The following ULK4 variants were observed in gnomAD, a reference collection of about 807,000 sequenced individuals.
ULK4 encodes unc-51 like kinase 4.
In ULK4, 133 loss-of-function variants were observed where a neutral mutation model predicts 160.6. That is an observed-to-expected ratio of 0.83 (90% CI 0.72 to 0.96). ULK4 has a LOEUF of 0.96. Ranked by LOEUF, ULK4 falls within the 40% of genes least tolerant of loss-of-function variation. The probability of loss-of-function intolerance (pLI) is 0.00; values close to 1 mark genes in which losing one functional copy is unlikely to be tolerated. For synonymous variants in ULK4, 534 were observed against 539.8 expected, an observed-to-expected ratio of 0.99 and a Z score of 0.15; for missense variants, 1,580 against 1,499.5, an observed-to-expected ratio of 1.05 and a Z score of -0.89.
At chr3:41,797,616 T>C (rs977425281) in intron 20 of ULK4, among the ~76,000 whole-genome samples, 1 of 152,094 alleles carries the variant, frequency 6.6e-6, no homozygotes, top group Non-Finnish European at 1.5e-5. Flanking sequence ...TCCCAGCACT[T>C]TGGGAGGCTG....
At chr3:41,766,869 C>T (rs540770493) in intron 21 of ULK4, 1 of 152,132 alleles carries the variant, frequency 6.6e-6, no homozygotes, top group African/African-American at 2.4e-5. Flanking sequence ...CTGAATGAAC[C>T]CTGGTGATCA....
intron 17 of ULK4, chr3:41,859,652 TTTTTGTTTG>T (rs140063077): frequency 0.17 from 70,839 of 426,500 alleles, 6,425 homozygotes; most frequent in Middle Eastern, 0.29. Flanking sequence ...AATTCCTTCT[TTTTTGTTTG>T]TTTTGTTTGT....
At chr3:41,819,817 T>C (rs1258827213) in intron 18 of ULK4, among the ~76,000 whole-genome samples, 1 of 152,188 alleles carries the variant, frequency 6.6e-6, no homozygotes, top group Non-Finnish European at 1.5e-5. Flanking sequence ...ATCAATCTAA[T>C]GATAATTGTA....
At chr3:41,674,271 G>C (rs906898808) in intron 29 of ULK4, among the ~76,000 whole-genome samples, 2 of 152,130 alleles carry the variant, frequency 1.3e-5, no homozygotes, top group African/African-American at 4.8e-5. Flanking sequence ...TGTCCAAATA[G>C]TCAGCATAAG....
chr3:41,835,708 T>C (rs1484987409), intron 18 of ULK4, among the ~76,000 whole-genome samples, 156 bp downstream of exon 18: 2 of 152,206 alleles, frequency 1.3e-5, no homozygotes, highest in African/African-American at 4.8e-5. Flanking sequence ...TGAGTAACAC[T>C]GACAAATTCT....
intron 33 of ULK4, among the ~76,000 whole-genome samples, chr3:41,459,493 A>G (rs2083634501): frequency 6.6e-6 from 1 of 152,214 alleles, no homozygotes; most frequent in Admixed American, 6.5e-5. Context: ...CTGCACATTC[A>G]CAATGCAAAG....
rs1299622209 is a variant in ULK4 at position 41,745,670 on chromosome 3, T to C, written c.2321+8691A>G. On this transcript the variant is annotated intron_variant, in intron 22 of 36. Coordinates refer to ENST00000301831, the MANE Select transcript of ULK4 (RefSeq NM_017886.4). ...TATGAGGCTAGTATTATATTAATACTAAGAGGAAAGAAGGGAAGGAGGGAG... is the reference window on the plus strand; with the variant it reads ...TATGAGGCTAGTATTATATTAATACCAAGAGGAAAGAAGGGAAGGAGGGAG... Among the ~76,000 whole-genome samples the C allele has an allele frequency of 1.3e-5, 2 of 151,516 alleles. 1 individual carries two copies. Among genetic ancestry groups the C allele is most frequent in the African/African-American group, 4.9e-5 (2 of 41,092 alleles).
At chr3:41,391,189 C>T (rs2081950502) in intron 35 of ULK4, among the ~76,000 whole-genome samples, 1 of 152,078 alleles carries the variant, frequency 6.6e-6, no homozygotes, top group Non-Finnish European at 1.5e-5. Context: ...CTATGGCAAT[C>T]AGTGGCAGAG....
At chr3:41,654,566 T>C (rs759747921) in intron 30 of ULK4, among the ~76,000 whole-genome samples, 8 of 152,210 alleles carry the variant, frequency 5.3e-5, no homozygotes, top group Non-Finnish European at 1.2e-4. Flanking sequence ...TATATAGCAT[T>C]ATAATCCTAA....
chr3:41,524,842 G>T (rs887204734), intron 32 of ULK4, among the ~76,000 whole-genome samples: 5 of 152,146 alleles, frequency 3.3e-5, no homozygotes, highest in African/African-American at 1.2e-4. Context: ...GGAAGCTGAG[G>T]CAGGGGAATC....
chr3:41,726,659 A>C (rs548327133), intron 22 of ULK4, among the ~76,000 whole-genome samples: 8 of 152,296 alleles, frequency 5.3e-5, no homozygotes, highest in African/African-American at 1.9e-4. Flanking sequence ...TCCATCACCC[A>C]GGCTGGAATG....
At chr3:41,591,341 G>A (rs945217663) in intron 31 of ULK4, among the ~76,000 whole-genome samples, 3 of 152,052 alleles carry the variant, frequency 2.0e-5, no homozygotes, top group Non-Finnish European at 4.4e-5. Flanking sequence ...AGAAGTGGAG[G>A]GTAGGGAAAG....
intron 22 of ULK4, among the ~76,000 whole-genome samples, chr3:41,724,896 A>G (rs2037596696): frequency 6.6e-6 from 1 of 152,220 alleles, no homozygotes; most frequent in Non-Finnish European, 1.5e-5. Context: ...TTAATTGACC[A>G]TCTGGAGATA....
At position 41,380,988 on chromosome 3, in the gene ULK4, C is replaced by T. The variant is rs115616046; in HGVS notation, c.3678+17091G>A. 6.9e-3 allele frequency among the ~76,000 whole-genome samples: 1,057 copies of T among 152,198 alleles called. 4 individuals carry two copies. The highest frequency in any genetic ancestry group is 0.016 in the African/African-American group (654 of 41,540). Reference sequence around the variant, plus strand: ...CTCCTTGGTTCTCACTGCTGCTTCCCGGCCATTCTCCACCCTTCCTCCATG... The same window carrying T: ...CTCCTTGGTTCTCACTGCTGCTTCCTGGCCATTCTCCACCCTTCCTCCATG... On this transcript the variant is annotated intron_variant, in intron 35 of 36. Transcript: ENST00000301831.
intron 31 of ULK4, among the ~76,000 whole-genome samples, chr3:41,570,838 G>GAGATCCCA (rs948024561): frequency 1.3e-4 from 20 of 152,066 alleles, no homozygotes; most frequent in African/African-American, 4.3e-4. Context: ...CCCCTGCCTG[G>GAGATCCCA]AGATCCCAGA....
chr3:41,852,790 A>G (rs2042248557), intron 17 of ULK4, among the ~76,000 whole-genome samples: 2 of 152,184 alleles, frequency 1.3e-5, no homozygotes, highest in African/African-American at 2.4e-5. Flanking sequence ...GCTCCTGCCC[A>G]TAGTGTAGTA....
chr3:41,341,184 T>C (rs534745814), intron 35 of ULK4, among the ~76,000 whole-genome samples: 2 of 152,318 alleles, frequency 1.3e-5, no homozygotes, highest in South Asian at 4.1e-4. Flanking sequence ...CACTAAACAC[T>C]GCAGCTATAC....
intron 17 of ULK4, among the ~76,000 whole-genome samples, chr3:41,847,743 T>C (rs1375908448): frequency 1.3e-5 from 2 of 152,186 alleles, no homozygotes; most frequent in Non-Finnish European, 2.9e-5. Context: ...TTTTAATCCA[T>C]GTTCTATTTT....
chr3:41,656,143 A>G (rs1426304897), intron 30 of ULK4, among the ~76,000 whole-genome samples: 1 of 151,810 alleles, frequency 6.6e-6, no homozygotes, highest in African/African-American at 2.4e-5. Flanking sequence ...CCTTCTGTCA[A>G]TGGGATTACC....
Sources: allele counts gnomAD v4.1 joint callset (sites outside exome capture counted in the v4.1 genomes callset), GRCh38; gene constraint gnomAD v4.1.1; transcripts MANE v1.5; gene names NCBI Gene and HGNC (gene_info 2026-07-23, HGNC 2026-07-21).